Variants in PSORS1C2 observed in about 807,000 individuals in gnomAD.
PSORS1C2 encodes psoriasis susceptibility 1 candidate 2.
A neutral mutation model predicts 12.2 loss-of-function variants in PSORS1C2; 13 were observed. That is an observed-to-expected ratio of 1.07 (90% CI 0.70 to 1.70). The LOEUF is 1.70. PSORS1C2 is among the 40% of genes most tolerant of loss of function. The probability of loss-of-function intolerance (pLI) is 0.00; values close to 1 mark genes in which losing one functional copy is unlikely to be tolerated. For missense variants in PSORS1C2, 186 were observed against 173.4 expected (o/e 1.07, Z -0.41); for synonymous variants, 76 against 69.2 (o/e 1.10, Z -0.49).
In PSORS1C2 at chr6:31,138,258, CG is replaced by C. The variant is rs1202982550; in HGVS notation, c.103del (p.Arg35GlufsTer94). 1 of 1,570,900 alleles carries C rather than the reference CG, an allele frequency of 6.4e-7. No homozygotes were observed. The highest frequency in any genetic ancestry group is 1.2e-5 in the South Asian group (1 of 84,554). Reference sequence around the variant, plus strand: ...CAATGTTGGGGAGCCTGCCTCCTCTCGGTCCTCTGCGGGTGGGTGAGAGGGG... The same window carrying C: ...CAATGTTGGGGAGCCTGCCTCCTCTCGTCCTCTGCGGGTGGGTGAGAGGGG... The part of the protein sequence containing the change: ...GHPSHPPAED[R>X]EEAGSPTLPQ... On this transcript the variant is annotated frameshift_variant, in exon 2 of 2. Transcript: ENST00000259845. LOFTEE classifies it high-confidence loss of function.
chr6:31,138,295 T>A lies in PSORS1C2; in HGVS notation c.67A>T (p.Ser23Cys), dbSNP rs1392416095. The A allele has an allele frequency of 6.3e-7, 1 of 1,592,052 alleles. No individual in the cohort carries two copies. Among genetic ancestry groups the A allele is most frequent in the Admixed American group, 1.8e-5 (1 of 56,888 alleles). ...GGTGGGTGAGAGGGGTGGCCCTCGCTGCCTGAGATGCCTGTAAAGGAGGAA... is the reference window on the plus strand; with the variant it reads ...GGTGGGTGAGAGGGGTGGCCCTCGCAGCCTGAGATGCCTGTAAAGGAGGAA... ...LCLHTRGISG[S>C]EGHPSHPPAE... Residue 23 changes from serine to cysteine, a missense_variant, in exon 2 of 2, where the codon AGC (serine) becomes TGC (cysteine). Ser to Cys is a moderately radical substitution (Grantham distance 112). Coordinates refer to ENST00000259845, the MANE Select transcript of PSORS1C2 (RefSeq NM_014069.3).
At chr6:31,138,888 A>G (rs748678632) in intron 1 of PSORS1C2, 84 bp downstream of exon 1, 11 of 1,599,632 alleles carry the variant, frequency 6.9e-6, no homozygotes, top group Non-Finnish European at 6.9e-6. Context: ...CCTGTCCCCA[A>G]CCCCATGCGT....
At chr6:31,138,848 G>A (rs1773304931) in intron 1 of PSORS1C2, 124 bp downstream of exon 1, 1 of 1,608,224 alleles carries the variant, frequency 6.2e-7, no homozygotes, top group Non-Finnish European at 8.5e-7. Context: ...TTTCTGGTGA[G>A]CCAGATGCAC....
chr6:31,138,048 G>C lies in PSORS1C2; in HGVS notation c.314C>G (p.Pro105Arg). 1 of 1,533,826 alleles carries C rather than the reference G, an allele frequency of 6.5e-7. No individual in the cohort carries two copies. Among genetic ancestry groups the C allele is most frequent in the Non-Finnish European group, 8.7e-7 (1 of 1,142,906 alleles). Residue 105 changes from proline to arginine, a missense_variant, in exon 2 of 2, where the codon CCC becomes CGC. Transcript: ENST00000259845. Reference protein sequence around the residue: ...PRPDDPWPAGPQPPENPWPPA... With the variant: ...PRPDDPWPAGRQPPENPWPPA... The stretch of plus-strand genomic sequence containing the variant: ...AGGCCAGGGGTTTTCTGGGGGCTGG[G>C]GTCCTGCCGGCCAAGGGTCGTCAGG...
rs1773315421 is a variant in PSORS1C2 at position 31,139,035 on chromosome 6, A to ACTGGCCC, written c.-16_-10dup. On this transcript the variant is annotated 5_prime_UTR_variant, in exon 1 of 2. Coordinates refer to ENST00000259845, the MANE Select transcript of PSORS1C2 (RefSeq NM_014069.3). This position sits in a 1 kb window ranked among gnomAD's most constrained non-coding sequence, Gnocchi z 5.2. Reference sequence around the variant, plus strand: ...TTCCAGTTGAGGATCATGGCTATGTACTGGCCCCCAAAGCTGGGGTGGGCT... The same window carrying ACTGGCCC: ...TTCCAGTTGAGGATCATGGCTATGTACTGGCCCCTGGCCCCCAAAGCTGGGGTGGGCT... 5 of 1,613,694 alleles carry ACTGGCCC rather than the reference A, an allele frequency of 3.1e-6. No homozygotes were observed. The highest frequency in any genetic ancestry group is 2.7e-5 in the African/African-American group (2 of 74,894).
Position 31,138,120 on chromosome 6 carries a change from A to C in PSORS1C2, c.242T>G (p.Val81Gly). ...CGTTCTAGGCGGTTCAGGGAGCCAGACTCCAGTTTCAGGCAGGTCTCTCCA... is the reference window on the plus strand; with the variant it reads ...CGTTCTAGGCGGTTCAGGGAGCCAGCCTCCAGTTTCAGGCAGGTCTCTCCA... ...RPWRDLPETG[V>G]WLPEPPRTDP... The change falls in exon 2 of 2, where the codon GTC becomes GGC. Residue 81 changes from valine to glycine, a missense_variant. By Grantham distance (109) the Val-to-Gly change is moderately radical (BLOSUM62 -3). Coordinates refer to ENST00000259845, the MANE Select transcript of PSORS1C2 (RefSeq NM_014069.3). 6.2e-7 allele frequency: 1 copy of C among 1,604,276 alleles called. No homozygotes were observed. The highest frequency in any genetic ancestry group is 8.5e-7 in the Non-Finnish European group (1 of 1,176,478).
In PSORS1C2 at chr6:31,138,279, G is replaced by C. The variant is rs2150978909; in HGVS notation, c.83C>G (p.Ser28Cys). The C allele has an allele frequency of 2.7e-5, 42 of 1,584,812 alleles. No homozygotes were observed. Among genetic ancestry groups the C allele is most frequent in the Non-Finnish European group, 3.5e-5 (41 of 1,165,434 alleles). The change falls in exon 2 of 2, where the codon TCT becomes TGT. Residue 28 changes from serine (S) to cysteine (C), a missense_variant. By Grantham distance (112) the Ser-to-Cys change is moderately radical. Transcript: ENST00000259845. ...RGISGSEGHP[S>C]HPPAEDREEA... is the part of the protein sequence containing the mutation. ...CTCTCGGTCCTCTGCGGGTGGGTGA[G>C]AGGGGTGGCCCTCGCTGCCTGAGAT...
chr6:31,138,690 C>G, intron 1 of PSORS1C2: 1 of 1,613,100 alleles, frequency 6.2e-7, no homozygotes, highest in Non-Finnish European at 8.5e-7. Context: ...GACCCCAGCT[C>G]CTTAACACAG....
Position 31,137,563 on chromosome 6 carries a change from T to C in PSORS1C2, c.*388A>G, listed in dbSNP as rs531133669. Reference sequence around the variant, plus strand: ...GAAAACATGATTTTTATTTTTCCGTTTCATGGAAGCAGCAGCTGTCTACTG... The same window carrying C: ...GAAAACATGATTTTTATTTTTCCGTCTCATGGAAGCAGCAGCTGTCTACTG... On this transcript the variant is annotated 3_prime_UTR_variant, in exon 2 of 2. Transcript: ENST00000259845. 5.2e-4 allele frequency: 132 copies of C among 251,704 alleles called. No individual in the cohort carries two copies. The highest frequency in any genetic ancestry group is 8.4e-4 in the Non-Finnish European group (112 of 133,306). 15.6% of individuals were successfully genotyped at this position (251,704 alleles called of 1,614,324 possible). A position where few individuals can be genotyped will look rare whatever the true frequency, so the allele number is the denominator to read the frequency against.
intron 1 of PSORS1C2, chr6:31,138,637 G>A (rs772151269): frequency 2.5e-6 from 4 of 1,612,964 alleles, no homozygotes; most frequent in African/African-American, 1.3e-5. Flanking sequence ...CCCAAAGTGG[G>A]TTACACCTTG....
intron 1 of PSORS1C2, 71 bp downstream of exon 1, chr6:31,138,901 A>G: frequency 6.2e-7 from 1 of 1,600,372 alleles, no homozygotes; most frequent in Non-Finnish European, 8.6e-7. Context: ...CCATGCGTCC[A>G]GTTCACCTCC....
At chr6:31,138,873 G>A in intron 1 of PSORS1C2, 99 bp downstream of exon 1, 1 of 1,602,484 alleles carries the variant, frequency 6.2e-7, no homozygotes, top group Non-Finnish European at 8.5e-7. Flanking sequence ...TGCGTCCCCT[G>A]AATTCCTGTC....
At position 31,138,093 on chromosome 6, in the gene PSORS1C2, T is replaced by G. The variant is rs1205517582; in HGVS notation, c.269A>C (p.Asp90Ala). The G allele has an allele frequency of 1.3e-6, 2 of 1,585,076 alleles. No individual in the cohort carries two copies. Among genetic ancestry groups the G allele is most frequent in the Admixed American group, 1.8e-5 (1 of 54,252 alleles). The change falls in exon 2 of 2, where the codon GAT (aspartate) becomes GCT (alanine). Residue 90 changes from aspartate (D) to alanine (A), a missense_variant. Asp to Ala is a moderately radical substitution (Grantham distance 126). Transcript: ENST00000259845. ...GTCAGGCCGGGGAGGTTGAGGAGGA[T>G]CCGTTCTAGGCGGTTCAGGGAGCCA... ...GVWLPEPPRT[D>A]PPQPPRPDDP...
rs1447839976 is a variant in PSORS1C2, at chr6:31,138,434, A to G, written c.56-128T>C. The G allele has an allele frequency of 1.9e-6, 3 of 1,612,656 alleles. No individual in the cohort carries two copies. In the South Asian group the frequency reaches 3.3e-5, roughly 18 times the overall value. On this transcript the variant is annotated intron_variant, in intron 1 of 1. Coordinates refer to ENST00000259845, the MANE Select transcript of PSORS1C2 (RefSeq NM_014069.3). ...CCTGAACTGACCCACAAACAGACCA[A>G]AAAAGTCACTCTCAAAGAGCTCTCG...
chr6:31,138,398 G>T (rs775859958), intron 1 of PSORS1C2, 92 bp from the exon 2 acceptor site: 1 of 1,612,560 alleles, frequency 6.2e-7, no homozygotes, highest in Admixed American at 1.7e-5. Context: ...AGCCTGTCTG[G>T]ATGGACGCAG....
At position 31,137,971 on chromosome 6, in the gene PSORS1C2, G is replaced by A; in HGVS notation, c.391C>T (p.Pro131Ser). The change falls in exon 2 of 2, where the codon CCC (proline) becomes TCC (serine). Residue 131 changes from proline to serine, a missense_variant. Coordinates refer to ENST00000259845, the MANE Select transcript of PSORS1C2 (RefSeq NM_014069.3). ...CTCCATTATCTGTACTCTTCCCGGG[G>A]TGGGTCTAGGTCTGGCTCCTCCTGA... is the stretch of plus-strand genomic sequence containing the variant. Reference protein sequence around the residue: ...RPQEEPDLDPPREEYR With the variant: ...RPQEEPDLDPSREEYR 4 of 1,499,470 alleles carry A rather than the reference G, an allele frequency of 2.7e-6. No individual in the cohort carries two copies. Among genetic ancestry groups the A allele is most frequent in the Non-Finnish European group, 3.6e-6 (4 of 1,124,792 alleles). 92.9% of individuals were successfully genotyped at this position (1,499,470 alleles called of 1,614,324 possible).
Position 31,138,149 on chromosome 6 carries a change from A to G in PSORS1C2, c.213T>C (p.Arg71=). 1 of 1,604,634 alleles carries G rather than the reference A, an allele frequency of 6.2e-7. No homozygotes were observed. Among genetic ancestry groups the G allele is most frequent in the East Asian group, 2.2e-5 (1 of 44,842 alleles). The change falls in exon 2 of 2, where the codon CGT becomes CGC. Residue 71 remains arginine (R), a synonymous_variant. Transcript: ENST00000259845. ...FEDPPPTRPS[R]PWRDLPETGV... ...CAGTTTCAGGCAGGTCTCTCCAGGG[A>G]CGACTGGGGCGGGTAGGCGGAGGAT...
intron 1 of PSORS1C2, 106 bp from the exon 2 acceptor site, chr6:31,138,412 G>GACA (rs748931896): frequency 6.2e-7 from 1 of 1,612,232 alleles, no homozygotes; most frequent in South Asian, 1.1e-5. Context: ...GACGCAGCCT[G>GACA]AACTGACCCA....
In PSORS1C2 at chr6:31,138,311, A is replaced by G. The variant is rs1240855864; in HGVS notation, c.56-5T>C. On this transcript the variant is annotated splice_polypyrimidine_tract_variant and splice_region_variant and intron_variant, in intron 1 of 1. Coordinates refer to ENST00000259845, the MANE Select transcript of PSORS1C2 (RefSeq NM_014069.3). ...GGCCCTCGCTGCCTGAGATGCCTGT[A>G]AAGGAGGAAGGAGAAAGGTAAGAGG... 4 of 1,602,970 alleles carry G rather than the reference A, an allele frequency of 2.5e-6. No individual in the cohort carries two copies. In the African/African-American group the frequency reaches 5.4e-5, roughly 22 times the overall value.
Sources: gnomAD v4.1 joint callset for allele counts on GRCh38, gnomAD v4.1.1 for gene constraint, Gnocchi (gnomAD v3.1) non-coding constraint, MANE v1.5 for transcripts, NCBI Gene and HGNC (gene_info 2026-07-23, HGNC 2026-07-21) for gene names.